Variants in TENM2 observed in about 807,000 individuals in gnomAD.
TENM2 encodes the protein teneurin transmembrane protein 2, also known as teneurin-2.
A neutral mutation model predicts 245.2 loss-of-function variants in TENM2; 52 were observed. That is an observed-to-expected ratio of 0.21 (90% CI 0.17 to 0.27). The LOEUF is 0.27. TENM2 is among the 10% of genes least tolerant of loss of function. TENM2 has a pLI of 1.00. For synonymous variants in TENM2, 1,363 were observed against 1,438.9 expected (o/e 0.95, Z 1.19); for missense variants, 3,046 against 3,666.8 (o/e 0.83, Z 4.37).
chr5:167,395,569 C>T (rs1318135814), intron 2 of TENM2, among the ~76,000 whole-genome samples: 3 of 152,090 alleles, frequency 2.0e-5, no homozygotes, highest in East Asian at 1.9e-4. Context: ...GTATCCTTGT[C>T]GTGTCCTTGA....
chr5:167,925,627 T>A (rs1777694145), intron 3 of TENM2, among the ~76,000 whole-genome samples: 1 of 152,196 alleles, frequency 6.6e-6, no homozygotes, highest in Admixed American at 6.5e-5. Flanking sequence ...GGACTATAAA[T>A]CATTTTATCA....
At chr5:167,277,752 A>G in the TENM2 span, among the ~76,000 whole-genome samples, 1 of 152,074 alleles carries the variant, frequency 6.6e-6, no homozygotes, top group Non-Finnish European at 1.5e-5. Flanking sequence ...TTTTTCAGTT[A>G]TATCATTTTT....
At chr5:167,696,030 T>A (rs1294970337) in intron 2 of TENM2, among the ~76,000 whole-genome samples, 2 of 143,348 alleles carry the variant, frequency 1.4e-5, no homozygotes, top group African/African-American at 5.1e-5. Context: ...CAAGACTCCG[T>A]CAAAAAAAAA....
rs138516432 is a variant in TENM2, at chr5:168,202,391, T to G, written c.3431-1298T>G. ...AATGCATCCAGTATGTTTCAATCCA[T>G]TGAAGTTATTATTCTCACTAATGGC... On this transcript the variant is annotated intron_variant, in intron 17 of 28. Transcript: ENST00000518659. 8.1e-4 allele frequency among the ~76,000 whole-genome samples: 123 copies of G among 152,104 alleles called. 1 individual carries two copies. Among genetic ancestry groups the G allele is most frequent in the Non-Finnish European group, 6.3e-4 (43 of 68,022 alleles).
intron 6 of TENM2, among the ~76,000 whole-genome samples, chr5:168,054,515 C>G (rs1789373538): frequency 1.3e-5 from 2 of 152,188 alleles, no homozygotes; most frequent in Admixed American, 1.3e-4. Context: ...ATCTGCAAGG[C>G]AGATTTATGC....
At chr5:168,171,984 T>G (rs556488987) in intron 13 of TENM2, among the ~76,000 whole-genome samples, 1 of 152,344 alleles carries the variant, frequency 6.6e-6, no homozygotes, top group East Asian at 1.9e-4. Flanking sequence ...AAGGTCCTCG[T>G]GCCATCACTA....
At chr5:168,142,946 G>C (rs1283417045) in intron 12 of TENM2, among the ~76,000 whole-genome samples, 3 of 152,200 alleles carry the variant, frequency 2.0e-5, no homozygotes, top group Non-Finnish European at 4.4e-5. Flanking sequence ...AGTCATTTAA[G>C]ATAGAGAAAA....
intron 2 of TENM2, among the ~76,000 whole-genome samples, chr5:167,506,709 TTAA>T (rs1769577005): frequency 6.6e-6 from 1 of 152,170 alleles, no homozygotes; most frequent in Non-Finnish European, 1.5e-5. Context: ...GGGTGACTCT[TTAA>T]AACTCTCAGT....
rs1295731327 is a variant in TENM2, at chr5:168,254,487, A to AGAGGAAGAGGAAGAAGGG, written c.7433-5780_7433-5763dup. Among the ~76,000 whole-genome samples, 69 of 149,928 alleles carry AGAGGAAGAGGAAGAAGGG rather than the reference A, an allele frequency of 4.6e-4. No individual in the cohort carries two copies. In the East Asian group the frequency reaches 0.011, roughly 25 times the overall value. On this transcript the variant is annotated intron_variant, in intron 27 of 28. Transcript: ENST00000518659. Reference sequence around the variant, plus strand: ...GGGAGGAAGAGGAAGAAGGGGAGGAAGAGGAAGAGGAAGAAGGGGAGGAAG... The same window carrying AGAGGAAGAGGAAGAAGGG: ...GGGAGGAAGAGGAAGAAGGGGAGGAAGAGGAAGAGGAAGAAGGGGAGGAAGAGGAAGAAGGGGAGGAAG...
chr5:167,353,539 G>A (rs574743961), intron 1 of TENM2, among the ~76,000 whole-genome samples: 61 of 106,298 alleles, frequency 5.7e-4, no homozygotes, highest in Non-Finnish European at 8.0e-4. Context: ...ACGGAGTCTC[G>A]CTCTGTCGCC....
the TENM2 span, among the ~76,000 whole-genome samples, chr5:167,033,787 G>A: frequency 5.3e-5 from 8 of 152,158 alleles, no homozygotes; most frequent in Non-Finnish European, 1.2e-4. Context: ...GAGTAACATT[G>A]ATATTCATTA....
intron 2 of TENM2, among the ~76,000 whole-genome samples, chr5:167,637,084 A>G (rs1269949196): frequency 6.6e-6 from 1 of 152,208 alleles, no homozygotes; most frequent in Non-Finnish European, 1.5e-5. Context: ...AAAATCATCT[A>G]TGATTTAAAT....
At chr5:167,474,763 G>A (rs1200021038) in intron 2 of TENM2, among the ~76,000 whole-genome samples, 1 of 152,076 alleles carries the variant, frequency 6.6e-6, no homozygotes, top group Non-Finnish European at 1.5e-5. Flanking sequence ...TGATCCGCTC[G>A]CCTCAGCCTC....
the TENM2 span, among the ~76,000 whole-genome samples, chr5:166,998,113 C>T: frequency 6.6e-6 from 1 of 152,088 alleles, no homozygotes; most frequent in Non-Finnish European, 1.5e-5. Context: ...AGATTCAGCA[C>T]TTATTGGATC....
At chr5:168,159,840 G>A (rs1757582403) in intron 12 of TENM2, among the ~76,000 whole-genome samples, 1 of 152,160 alleles carries the variant, frequency 6.6e-6, no homozygotes, top group Admixed American at 6.5e-5. Flanking sequence ...AGGTTGGGGA[G>A]GAAGCAAGAG....
chr5:167,605,734 A>G (rs1776991888), intron 2 of TENM2, among the ~76,000 whole-genome samples: 1 of 152,222 alleles, frequency 6.6e-6, no homozygotes, highest in Admixed American at 6.5e-5. Flanking sequence ...ATCGTGTACC[A>G]GGTAAATTGA....
chr5:167,579,805 A>C (rs1774963584), intron 2 of TENM2, among the ~76,000 whole-genome samples: 1 of 152,196 alleles, frequency 6.6e-6, no homozygotes, highest in Admixed American at 6.5e-5. Context: ...AAATAGCATT[A>C]GATTGTGGTG....
chr5:167,470,201 T>A (rs1766924574), intron 2 of TENM2, among the ~76,000 whole-genome samples: 1 of 152,032 alleles, frequency 6.6e-6, no homozygotes, highest in Admixed American at 6.6e-5. Flanking sequence ...AAGCCAGTAA[T>A]AGAAGGTTTT....
intron 2 of TENM2, among the ~76,000 whole-genome samples, chr5:167,547,204 G>A (rs1046020930): frequency 3.3e-5 from 5 of 152,176 alleles, no homozygotes; most frequent in Admixed American, 1.3e-4. Flanking sequence ...TGTTGCCTCA[G>A]CCTCGCGAGT....
Sources: allele counts gnomAD v4.1 joint callset (sites outside exome capture counted in the v4.1 genomes callset), GRCh38; gene constraint gnomAD v4.1.1; transcripts MANE v1.5; gene names NCBI Gene and HGNC (gene_info 2026-07-23, HGNC 2026-07-21).